FTO: variants seen among roughly 807,000 people sequenced by gnomAD.
FTO encodes alpha-ketoglutarate-dependent dioxygenase FTO.
In FTO, 47 loss-of-function variants were observed where a neutral mutation model predicts 63.9. The ratio of observed to expected loss-of-function variants is 0.74; its 90% CI spans 0.58 to 0.94. The LOEUF (loss-of-function observed/expected upper bound fraction) is 0.94. FTO is among the 40% of genes least tolerant of loss of function. FTO has a pLI of 0.00. For synonymous variants in FTO, 207 were observed against 224.4 expected, an observed-to-expected ratio of 0.92 and a Z score of 0.69; for missense variants, 562 against 618.1, an observed-to-expected ratio of 0.91 and a Z score of 0.96.
intron 1 of FTO, among the ~76,000 whole-genome samples, chr16:53,784,271 T>G (rs1379815193): frequency 1.3e-5 from 2 of 152,194 alleles, no homozygotes; most frequent in Non-Finnish European, 2.9e-5. Flanking sequence ...CTCCTTGAAA[T>G]CATGTAGACA....
At chr16:53,835,408 T>A (rs1216136809) in intron 3 of FTO, among the ~76,000 whole-genome samples, 3 of 152,226 alleles carry the variant, frequency 2.0e-5, no homozygotes, top group Non-Finnish European at 4.4e-5. Context: ...AGGAGGTAAA[T>A]TTTTAAGACC....
intron 8 of FTO, among the ~76,000 whole-genome samples, chr16:54,078,952 T>C (rs796620484): frequency 1.3e-4 from 20 of 152,282 alleles, no homozygotes; most frequent in African/African-American, 4.3e-4. Context: ...AATATTTTCA[T>C]TTGGTAAATG....
At chr16:53,933,222 A>C (rs2082320299) in intron 7 of FTO, among the ~76,000 whole-genome samples, 1 of 152,214 alleles carries the variant, frequency 6.6e-6, no homozygotes, top group African/African-American at 2.4e-5. Context: ...GGCGTCTGTT[A>C]GATAAGGAAT....
chr16:54,054,398 T>C (rs1410470569), intron 8 of FTO: 1 of 152,202 alleles, frequency 6.6e-6, no homozygotes, highest in Non-Finnish European at 1.5e-5. Flanking sequence ...CATCAGTGTG[T>C]GTGTTCACCA....
chr16:53,888,433 T>TTTTAAAAATAAAAATAAATTG (rs1283533485), intron 6 of FTO, among the ~76,000 whole-genome samples: 1 of 151,284 alleles, frequency 6.6e-6, no homozygotes, highest in Non-Finnish European at 1.5e-5. Flanking sequence ...GCCAATTTAT[T>TTTTAAAAATAAAAATAAATTG]AGTAGCTTGG....
chr16:54,097,372 G>A (rs538740605), intron 8 of FTO, among the ~76,000 whole-genome samples: 2 of 151,894 alleles, frequency 1.3e-5, no homozygotes, highest in East Asian at 3.9e-4. Context: ...ACAGGGTCTG[G>A]CTCTGTTGCC....
chr16:54,108,303 AGAC>A (rs1413184034), intron 8 of FTO, among the ~76,000 whole-genome samples: 4 of 152,246 alleles, frequency 2.6e-5, no homozygotes, highest in Admixed American at 6.5e-5. Context: ...TTGGAAGGCC[AGAC>A]GACAATGCCT....
intron 8 of FTO, among the ~76,000 whole-genome samples, chr16:53,955,494 A>G (rs941622230): frequency 2.6e-5 from 4 of 152,204 alleles, no homozygotes; most frequent in African/African-American, 9.6e-5. Flanking sequence ...TCAATATGAC[A>G]GAGGGAGAAG....
chr16:53,915,275 T>C (rs1419213543), intron 7 of FTO, among the ~76,000 whole-genome samples: 1 of 152,238 alleles, frequency 6.6e-6, no homozygotes, highest in Non-Finnish European at 1.5e-5. Context: ...TTTAACACTT[T>C]ACATTCCTGT....
At position 53,884,023 on chromosome 16, in the gene FTO, A is replaced by T. The variant is rs184389763; in HGVS notation, c.1119+4036A>T. Among the ~76,000 whole-genome samples the T allele has an allele frequency of 8.9e-3, 1,348 of 152,266 alleles. 8 individuals are homozygous for T. Among genetic ancestry groups the T allele is most frequent in the Non-Finnish European group, 0.015 (1,053 of 68,010 alleles). ...CTTGCTTGCCTCTTTCTGCAAGGCC[A>T]TGTGTCTTTTCTGGACAAATCACAG... On this transcript the variant is annotated intron_variant, in intron 6 of 8. Coordinates refer to ENST00000471389, the MANE Select transcript of FTO (RefSeq NM_001080432.3).
chr16:54,052,283 T>A (rs560511257), intron 8 of FTO, among the ~76,000 whole-genome samples: 1 of 152,334 alleles, frequency 6.6e-6, no homozygotes, highest in Admixed American at 6.5e-5. Context: ...GACTTTTTTT[T>A]AATCCTGACT....
At chr16:53,935,719 G>A (rs1204614010) in intron 8 of FTO, 4 of 151,938 alleles carry the variant, frequency 2.6e-5, no homozygotes, top group Admixed American at 2.0e-4. Context: ...AGTGGCAGAC[G>A]GTTTCAACTA....
intron 7 of FTO, among the ~76,000 whole-genome samples, chr16:53,918,849 TG>T (rs1286837546): frequency 3.9e-5 from 6 of 152,352 alleles, no homozygotes; most frequent in Non-Finnish European, 8.8e-5. Flanking sequence ...GTGCTGGGCC[TG>T]GAGTTAGAAC....
Position 54,116,599 on chromosome 16 carries a change from C to T in FTO, c.*4684C>T, listed in dbSNP as rs578033026. 6.6e-6 allele frequency: 1 copy of T among 151,426 alleles called. No homozygotes were observed. Among genetic ancestry groups the T allele is most frequent in the South Asian group, 2.1e-4 (1 of 4,740 alleles). The allele number at this position is 151,426 out of a possible 1,614,324, so 9.4% of individuals were successfully genotyped here. A position where few individuals can be genotyped will look rare whatever the true frequency, so the allele number is the denominator to read the frequency against. On this transcript the variant is annotated 3_prime_UTR_variant, in exon 9 of 9. Coordinates refer to ENST00000471389, the MANE Select transcript of FTO (RefSeq NM_001080432.3). ...TGATGATTGCGGCTGTAGGGAAAGC[C>T]GGGCAGCTTGCAGAGGATGGGTGGG...
At chr16:54,040,656 C>G (rs998412171) in intron 8 of FTO, 1 of 152,198 alleles carries the variant, frequency 6.6e-6, no homozygotes, top group Non-Finnish European at 1.5e-5. Flanking sequence ...CACATGAAGA[C>G]ATGGAGTTAG....
chr16:53,717,735 G>A (rs1395746358), intron 1 of FTO, among the ~76,000 whole-genome samples: 2 of 151,740 alleles, frequency 1.3e-5, no homozygotes, highest in Non-Finnish European at 2.9e-5. Context: ...TTGGTGTTAT[G>A]GTATGGAGTA....
intron 1 of FTO, among the ~76,000 whole-genome samples, chr16:53,783,972 G>T (rs924452773): frequency 6.6e-6 from 1 of 152,224 alleles, no homozygotes; most frequent in Admixed American, 6.5e-5. Flanking sequence ...AAACAATACA[G>T]ACCCTACTTC....
intron 8 of FTO, among the ~76,000 whole-genome samples, chr16:54,068,035 G>T (rs2085775423): frequency 6.6e-6 from 1 of 151,166 alleles, no homozygotes; most frequent in East Asian, 1.9e-4. Context: ...AGGAATTTTT[G>T]GTTGGACTAT....
chr16:53,967,912 G>A (rs2083231275), intron 8 of FTO, among the ~76,000 whole-genome samples: 1 of 152,164 alleles, frequency 6.6e-6, no homozygotes, highest in Admixed American at 6.5e-5. Flanking sequence ...ATGGAGTTGT[G>A]TGGTTTAAAT....
Sources: gnomAD v4.1 joint callset for allele counts (sites outside exome capture counted in the v4.1 genomes callset) on GRCh38, gnomAD v4.1.1 for gene constraint, MANE v1.5 for transcripts, NCBI Gene and HGNC (gene_info 2026-07-23, HGNC 2026-07-21) for gene names.